Variants in NCALD observed in about 807,000 individuals in gnomAD.
NCALD encodes neurocalcin delta.
Under a neutral mutation model 18.6 loss-of-function variants are expected in NCALD, and 10 were observed. That is an observed-to-expected ratio of 0.54 (90% CI 0.33 to 0.91). The LOEUF (loss-of-function observed/expected upper bound fraction) is 0.91. Among genes scored for constraint, NCALD ranks in the 40% least tolerant of loss-of-function variants. The pLI is 0.03. For missense variants in NCALD, 184 were observed against 247.6 expected, an observed-to-expected ratio of 0.74 and a Z score of 1.72; for synonymous variants, 88 against 87.4, an observed-to-expected ratio of 1.01 and a Z score of -0.04.
chr8:101,990,675 T>C (rs750601357), intron 2 of NCALD, among the ~76,000 whole-genome samples: 18 of 152,344 alleles, frequency 1.2e-4, no homozygotes, highest in Middle Eastern at 3.4e-3. Context: ...TCTGCCACGA[T>C]TGTGAGGCCT....
At position 101,719,532 on chromosome 8, in the gene NCALD, C is replaced by T. The variant is rs781009834; in HGVS notation, c.98G>A (p.Gly33Asp). 1 of 1,614,210 alleles carries T rather than the reference C, an allele frequency of 6.2e-7. No individual in the cohort carries two copies. Among genetic ancestry groups the T allele is most frequent in the Non-Finnish European group, 8.5e-7 (1 of 1,180,032 alleles). ...TCCACTGGGGCAGTCTCTCAAGAAG[C>T]CTTTATACCATTCCTGGATCTCATG... Reference protein sequence around the residue: ...TEHEIQEWYKGFLRDCPSGHL... With the variant: ...TEHEIQEWYKDFLRDCPSGHL... Residue 33 changes from glycine to aspartate, a missense_variant, in exon 2 of 4, where the codon GGC becomes GAC. Transcript: ENST00000220931.
chr8:102,097,297 C>T (rs987753158), intron 1 of NCALD, among the ~76,000 whole-genome samples: 7 of 152,190 alleles, frequency 4.6e-5, no homozygotes, highest in African/African-American at 1.7e-4. Flanking sequence ...TGGCATCTAA[C>T]ATTCACACTG....
At chr8:101,831,210 A>G (rs1029883704) in intron 4 of NCALD, among the ~76,000 whole-genome samples, 2 of 152,170 alleles carry the variant, frequency 1.3e-5, no homozygotes, top group African/African-American at 4.8e-5. Context: ...TGTATAGGCC[A>G]CTGGTCTAGT....
chr8:101,890,858 G>A (rs1250589690), intron 3 of NCALD, among the ~76,000 whole-genome samples: 1 of 152,158 alleles, frequency 6.6e-6, no homozygotes, highest in East Asian at 1.9e-4. Context: ...GCACAAACAT[G>A]ACTTTTTCGA....
rs76139719 is a variant in NCALD at position 101,814,341 on chromosome 8, A to G, written c.-20+72800T>C. Among the ~76,000 whole-genome samples the G allele has an allele frequency of 7.8e-3, 1,192 of 152,268 alleles. 10 individuals carry two copies. Among genetic ancestry groups the G allele is most frequent in the Middle Eastern group, 0.031 (9 of 294 alleles). On this transcript the variant is annotated intron_variant, in intron 4 of 6. Transcript: ENST00000311028. ...TATGCCAGGTATGGTTTAACATTCA[A>G]AATCAATTAATGTAATTAATCGCAT...
chr8:101,787,580 C>G (rs907812738), intron 1 of NCALD, among the ~76,000 whole-genome samples: 3 of 152,158 alleles, frequency 2.0e-5, no homozygotes, highest in Admixed American at 1.3e-4. Flanking sequence ...ATATCAGGCA[C>G]TATTTTCTGC....
At chr8:101,766,003 T>C (rs548109817) in intron 1 of NCALD, among the ~76,000 whole-genome samples, 1 of 152,334 alleles carries the variant, frequency 6.6e-6, no homozygotes, top group South Asian at 2.1e-4. Flanking sequence ...GCACATGTCA[T>C]TCTCAGTGGA....
chr8:101,807,493 G>GA (rs1813148182), intron 4 of NCALD, among the ~76,000 whole-genome samples: 1 of 152,062 alleles, frequency 6.6e-6, no homozygotes, highest in South Asian at 2.1e-4. Context: ...ACATAGACCA[G>GA]AAAAATTAAA....
At chr8:101,889,435 G>A (rs897754330) in intron 3 of NCALD, among the ~76,000 whole-genome samples, 13 of 152,112 alleles carry the variant, frequency 8.5e-5, no homozygotes, top group African/African-American at 2.9e-4. Context: ...CTCCCTGTCC[G>A]GTGATATTTC....
At chr8:102,084,490 T>C (rs1233659344) in intron 1 of NCALD, among the ~76,000 whole-genome samples, 1 of 152,236 alleles carries the variant, frequency 6.6e-6, no homozygotes, top group African/African-American at 2.4e-5. Flanking sequence ...TGGCTTGAAC[T>C]TTGACCTGGA....
At chr8:101,808,303 C>T (rs1437614989) in intron 4 of NCALD, among the ~76,000 whole-genome samples, 1 of 152,148 alleles carries the variant, frequency 6.6e-6, no homozygotes, top group East Asian at 1.9e-4. Flanking sequence ...AATTGTGGAA[C>T]TACTCTAACT....
At chr8:101,762,719 G>A (rs545840706) in intron 1 of NCALD, among the ~76,000 whole-genome samples, 38 of 151,766 alleles carry the variant, frequency 2.5e-4, no homozygotes, top group Non-Finnish European at 4.0e-4. Flanking sequence ...GGTTATAGGC[G>A]CTTGCCACCA....
chr8:101,825,741 G>A (rs1313546139), intron 4 of NCALD, among the ~76,000 whole-genome samples: 1 of 151,844 alleles, frequency 6.6e-6, no homozygotes, highest in Non-Finnish European at 1.5e-5. Context: ...AACTTTTTCT[G>A]TAAAGGGTCA....
intron 1 of NCALD, among the ~76,000 whole-genome samples, chr8:102,082,036 C>T (rs1196245484): frequency 6.6e-6 from 1 of 152,104 alleles, no homozygotes; most frequent in African/African-American, 2.4e-5. Flanking sequence ...CATAGCCCAA[C>T]ATCCCCCTCG....
chr8:102,117,767 G>A (rs1046631849), intron 1 of NCALD, among the ~76,000 whole-genome samples: 1 of 152,144 alleles, frequency 6.6e-6, no homozygotes, highest in Non-Finnish European at 1.5e-5. Flanking sequence ...CATTATTTTT[G>A]TAAAAAGTGG....
At chr8:101,996,678 ACTAACGGTGGAAAAGGAAGGATGTAT>A (rs1219856905) in intron 2 of NCALD, among the ~76,000 whole-genome samples, 7 of 152,220 alleles carry the variant, frequency 4.6e-5, no homozygotes, top group African/African-American at 1.7e-4. Context: ...TGCCTATGAA[ACTAACGGTGGAAAAGGAAGGATGTAT>A]CTTTCAGAGC....
chr8:102,044,023 T>C (rs1823151123), intron 1 of NCALD, among the ~76,000 whole-genome samples: 1 of 151,956 alleles, frequency 6.6e-6, no homozygotes, highest in Non-Finnish European at 1.5e-5. Context: ...GAAATTCAAA[T>C]GGTATTAGAA....
chr8:101,895,704 T>C (rs1384036018), intron 3 of NCALD, among the ~76,000 whole-genome samples: 3 of 149,076 alleles, frequency 2.0e-5, no homozygotes, highest in African/African-American at 7.7e-5. Flanking sequence ...ATCACAAGCA[T>C]TCTTATACAC....
At chr8:101,847,486 C>T (rs1381356740) in intron 4 of NCALD, 1 of 152,406 alleles carries the variant, frequency 6.6e-6, no homozygotes, top group Non-Finnish European at 1.5e-5. Flanking sequence ...GCCTGGGTCC[C>T]TTGTGGCATC....
Sources: allele counts gnomAD v4.1 joint callset (sites outside exome capture counted in the v4.1 genomes callset), GRCh38; gene constraint gnomAD v4.1.1; transcripts MANE v1.5; gene names NCBI Gene and HGNC (gene_info 2026-07-23, HGNC 2026-07-21).